RGS20: variants seen among roughly 807,000 people sequenced by gnomAD.
RGS20 encodes the protein regulator of G protein signaling 20, also known as gz-selective GTPase-activating protein.
Under a neutral mutation model 33.6 loss-of-function variants are expected in RGS20, and 30 were observed. The ratio of observed to expected loss-of-function variants is 0.89; its 90% CI spans 0.67 to 1.21. The LOEUF is 1.21. Among genes scored for constraint, RGS20 ranks in the 50% most tolerant of loss-of-function variants. The pLI is 0.00. For synonymous variants in RGS20, 208 were observed against 197.9 expected, an observed-to-expected ratio of 1.05 and a Z score of -0.43; for missense variants, 472 against 502.4, an observed-to-expected ratio of 0.94 and a Z score of 0.58.
At chr8:53,954,439 G>A (rs1007317202) in intron 5 of RGS20, 129 bp downstream of exon 4, 35 of 605,814 alleles carry the variant, frequency 5.8e-5, no homozygotes, top group Admixed American at 1.0e-4. Flanking sequence ...TGAGGCGGGC[G>A]GATCACCTGA....
Position 53,879,329 on chromosome 8 carries a change from T to C in RGS20, c.237T>C (p.Leu79=), listed in dbSNP as rs1251509875. The C allele has an allele frequency of 6.2e-7, 1 of 1,613,116 alleles. No individual in the cohort carries two copies. Among genetic ancestry groups the C allele is most frequent in the Non-Finnish European group, 8.5e-7 (1 of 1,179,954 alleles). ...TGTTCGGCCTCCTTTCTAGCCCGCTTTCCAGCCTCGCAAGGTTCTTCTCTC... is the reference window on the plus strand; with the variant it reads ...TGTTCGGCCTCCTTTCTAGCCCGCTCTCCAGCCTCGCAAGGTTCTTCTCTC... The change falls in exon 2 of 6, where the codon CTT becomes CTC. Residue 79 remains leucine (L), a synonymous_variant. Transcript: ENST00000297313.
intron 2 of RGS20, among the ~76,000 whole-genome samples, chr8:53,896,824 A>G (rs1812877725): frequency 6.6e-6 from 1 of 152,254 alleles, no homozygotes; most frequent in Non-Finnish European, 1.5e-5. Flanking sequence ...AATAATATGC[A>G]CAAAGGTTTT....
At chr8:53,910,669 A>G (rs534172215) in intron 2 of RGS20, among the ~76,000 whole-genome samples, 1 of 152,366 alleles carries the variant, frequency 6.6e-6, no homozygotes, top group South Asian at 2.1e-4. Context: ...TAAGCACCCA[A>G]AACAGGAAAT....
chr8:53,904,969 T>C (rs1813126101), intron 2 of RGS20, among the ~76,000 whole-genome samples: 1 of 152,200 alleles, frequency 6.6e-6, no homozygotes, highest in Non-Finnish European at 1.5e-5. Flanking sequence ...GACACTCTTA[T>C]TATAGTCTTA....
At chr8:53,891,477 C>G (rs1238811183) in intron 2 of RGS20, among the ~76,000 whole-genome samples, 2 of 151,964 alleles carry the variant, frequency 1.3e-5, no homozygotes, top group African/African-American at 4.8e-5. Context: ...AAAAATTAGC[C>G]AGGTGTGGTG....
intron 1 of RGS20, among the ~76,000 whole-genome samples, chr8:53,864,503 T>A (rs929972984): frequency 6.6e-6 from 1 of 151,990 alleles, no homozygotes; most frequent in Non-Finnish European, 1.5e-5. Context: ...GAGTCCAGCT[T>A]TCCATTAGCC....
At chr8:53,873,267 T>C (rs932004986) in intron 1 of RGS20, among the ~76,000 whole-genome samples, 1 of 152,152 alleles carries the variant, frequency 6.6e-6, no homozygotes, top group Admixed American at 6.5e-5. Context: ...TGCAGAACCA[T>C]GAACCAATTA....
At chr8:53,881,126 G>A in intron 2 of RGS20, 42 bp downstream of exon 1, 6 of 1,431,530 alleles carry the variant, frequency 4.2e-6, no homozygotes, top group Non-Finnish European at 4.6e-6. Flanking sequence ...TTCGTCTCGG[G>A]CTCGCCCTGA....
At chr8:53,912,129 C>T (rs897374196) in intron 2 of RGS20, among the ~76,000 whole-genome samples, 1 of 152,092 alleles carries the variant, frequency 6.6e-6, no homozygotes, top group Non-Finnish European at 1.5e-5. Flanking sequence ...ACATAGCAAA[C>T]ATTTATTGAG....
chr8:53,909,596 C>A (rs1813300046), intron 2 of RGS20, among the ~76,000 whole-genome samples: 5 of 151,830 alleles, frequency 3.3e-5, no homozygotes, highest in Admixed American at 3.3e-4. Context: ...TAATAGTGTA[C>A]AGGTAGATAT....
intron 4 of RGS20, among the ~76,000 whole-genome samples, chr8:53,949,193 T>C (rs564084371): frequency 1.6e-5 from 2 of 126,452 alleles, no homozygotes; most frequent in East Asian, 2.7e-4. Flanking sequence ...TATATATTTA[T>C]ATATGCTATA....
chr8:53,888,228 A>G (rs1016029933), intron 2 of RGS20, among the ~76,000 whole-genome samples: 1 of 152,190 alleles, frequency 6.6e-6, no homozygotes, highest in Non-Finnish European at 1.5e-5. Flanking sequence ...CGCAAATTTC[A>G]GTTGTTAGGA....
intron 2 of RGS20, among the ~76,000 whole-genome samples, chr8:53,889,398 TTCTC>T (rs200412498): frequency 2.3e-4 from 29 of 124,142 alleles, no homozygotes; most frequent in African/African-American, 5.9e-4. Context: ...CTTTCTTTCT[TTCTC>T]TCTCTCTCTC....
chr8:53,950,740 G>A (rs940413430), intron 4 of RGS20, among the ~76,000 whole-genome samples: 1 of 151,576 alleles, frequency 6.6e-6, no homozygotes, highest in Non-Finnish European at 1.5e-5. Flanking sequence ...TCAGCCTCCC[G>A]AGTACCTGGG....
intron 1 of RGS20, among the ~76,000 whole-genome samples, chr8:53,874,354 A>C (rs565396659): frequency 1.3e-4 from 19 of 150,376 alleles, no homozygotes; most frequent in African/African-American, 4.7e-4. Flanking sequence ...CCAGAGAATC[A>C]GAAGCAATAA....
chr8:53,859,097 T>C (rs1356308723), intron 1 of RGS20, among the ~76,000 whole-genome samples: 1 of 152,186 alleles, frequency 6.6e-6, no homozygotes. Flanking sequence ...TTCATGAAGA[T>C]AGTCACTCAG....
intron 1 of RGS20, among the ~76,000 whole-genome samples, chr8:53,860,601 G>A (rs752149824): frequency 2.9e-4 from 44 of 152,152 alleles, no homozygotes; most frequent in African/African-American, 9.2e-4. Flanking sequence ...AATAGCTGTG[G>A]CTCCATGTTC....
chr8:53,866,063 A>T (rs902560010), intron 1 of RGS20, among the ~76,000 whole-genome samples: 3 of 152,204 alleles, frequency 2.0e-5, no homozygotes, highest in African/African-American at 7.2e-5. Flanking sequence ...CTAAGCTGAG[A>T]CTTGAAGGAT....
At chr8:53,933,299 A>G (rs1055104333) in intron 2 of RGS20, among the ~76,000 whole-genome samples, 4 of 152,176 alleles carry the variant, frequency 2.6e-5, no homozygotes, top group African/African-American at 9.6e-5. Context: ...GAAGGTAGGT[A>G]ATAAACTCCT....
Sources: allele counts gnomAD v4.1 joint callset (sites outside exome capture counted in the v4.1 genomes callset), GRCh38; gene constraint gnomAD v4.1.1; transcripts MANE v1.5; gene names NCBI Gene and HGNC (gene_info 2026-07-23, HGNC 2026-07-21).